COL14A1: variants seen among roughly 807,000 people sequenced by gnomAD.
The protein encoded by COL14A1 is collagen alpha-1(XIV) chain.
COL14A1 carries 136 observed loss-of-function variants against 230.3 expected under a neutral mutation model. That is an observed-to-expected ratio of 0.59 (90% CI 0.51 to 0.68). COL14A1 has a LOEUF of 0.68. Ranked by LOEUF, COL14A1 falls within the 30% of genes least tolerant of loss-of-function variation. COL14A1 has a pLI of 0.00. For synonymous variants in COL14A1, 792 were observed against 784.1 expected (o/e 1.01, Z -0.17); for missense variants, 1,976 against 2,215.8 (o/e 0.89, Z 2.17).
intron 1 of COL14A1, among the ~76,000 whole-genome samples, chr8:120,138,304 G>A (rs1327744528): frequency 6.6e-6 from 1 of 152,084 alleles, no homozygotes; most frequent in Non-Finnish European, 1.5e-5. Context: ...ACATATTTAT[G>A]ATTAATTTTT....
At chr8:120,179,066 G>A (rs897135423) in intron 5 of COL14A1, among the ~76,000 whole-genome samples, 2 of 152,080 alleles carry the variant, frequency 1.3e-5, no homozygotes, top group Non-Finnish European at 2.9e-5. Flanking sequence ...CTGTGGAGAA[G>A]CTCTTTAGTT....
chr8:120,219,924 T>G (rs1817876338), intron 14 of COL14A1, among the ~76,000 whole-genome samples: 1 of 152,078 alleles, frequency 6.6e-6, no homozygotes, highest in African/African-American at 2.4e-5. Context: ...TGAGAAAATT[T>G]TGAGTAAAAT....
At chr8:120,144,785 A>G (rs915918960) in intron 1 of COL14A1, among the ~76,000 whole-genome samples, 1 of 152,154 alleles carries the variant, frequency 6.6e-6, no homozygotes, top group African/African-American at 2.4e-5. Flanking sequence ...TATCTTTTCT[A>G]TATTAAAAAC....
rs868050273 is a variant in COL14A1, at chr8:120,207,024, C to T, written c.1121C>T (p.Thr374Ile). 6.2e-7 allele frequency: 1 copy of T among 1,613,814 alleles called. No homozygotes were observed. Among genetic ancestry groups the T allele is most frequent in the African/African-American group, 1.3e-5 (1 of 74,992 alleles). The change falls in exon 10 of 48, where the codon ACT (threonine) becomes ATT (isoleucine). Residue 374 changes from threonine (T) to isoleucine (I), a missense_variant. Thr to Ile is a moderately conservative substitution (Grantham distance 89). Around this residue, in one of 3 missense-constraint regions of COL14A1, gnomAD observed 1,791 missense variants for 2,019.5 expected, o/e 0.89. Coordinates refer to ENST00000297848, the MANE Select transcript of COL14A1 (RefSeq NM_021110.4). ...GCCAGAAGCTTTATGGTTAACTGGA[C>T]TCATGCCCCAGGAAATGTGGAAAAA... is the stretch of plus-strand genomic sequence containing the variant. ...VTARSFMVNWTHAPGNVEKYR... is the reference protein window; with the variant it reads ...VTARSFMVNWIHAPGNVEKYR...
At chr8:120,337,809 T>C (rs1489072549) in intron 42 of COL14A1, among the ~76,000 whole-genome samples, 12 of 152,222 alleles carry the variant, frequency 7.9e-5, no homozygotes, top group Non-Finnish European at 1.8e-4. Flanking sequence ...TTTTATTTTG[T>C]TTTTGTTTTA....
At chr8:120,233,234 G>A (rs539596756) in intron 19 of COL14A1, among the ~76,000 whole-genome samples, 1 of 152,212 alleles carries the variant, frequency 6.6e-6, no homozygotes, top group East Asian at 1.9e-4. Flanking sequence ...TCACTCTGAT[G>A]ATAGTTTCTT....
At chr8:120,244,993 T>G (rs554385066) in intron 20 of COL14A1, among the ~76,000 whole-genome samples, 2 of 152,140 alleles carry the variant, frequency 1.3e-5, no homozygotes, top group Non-Finnish European at 2.9e-5. Flanking sequence ...ATTTCCCCAT[T>G]CATACCTCCC....
chr8:120,163,305 A>G (rs1048202146), intron 4 of COL14A1, among the ~76,000 whole-genome samples: 2 of 152,210 alleles, frequency 1.3e-5, no homozygotes, highest in African/African-American at 4.8e-5. Context: ...GAGGATAGGC[A>G]TGGGAAAGCT....
intron 2 of COL14A1, among the ~76,000 whole-genome samples, chr8:120,149,984 G>A (rs780408279): frequency 1.7e-4 from 26 of 152,176 alleles, no homozygotes; most frequent in Non-Finnish European, 3.1e-4. Context: ...GTGAACCATC[G>A]TGCCCAGCCA....
rs576898638 is a variant in COL14A1, at chr8:120,274,441, G to A, written c.3214-3670G>A. On this transcript the variant is annotated intron_variant, in intron 26 of 47. Coordinates refer to ENST00000297848, the MANE Select transcript of COL14A1 (RefSeq NM_021110.4). ...CAAGACAAAGATACTCATTTTCACC[G>A]CTTCTATTCAAGATAGTACTGGAAG... 1.3e-4 allele frequency among the ~76,000 whole-genome samples: 19 copies of A among 151,716 alleles called. No individual in the cohort carries two copies. In the South Asian group the frequency reaches 3.3e-3, roughly 27 times the overall value.
At chr8:120,151,943 G>A (rs983389053) in intron 2 of COL14A1, among the ~76,000 whole-genome samples, 23 of 152,016 alleles carry the variant, frequency 1.5e-4, no homozygotes, top group African/African-American at 4.6e-4. Flanking sequence ...GATGGAAAGA[G>A]ACCACAAGTC....
chr8:120,138,630 G>A (rs897445317), intron 1 of COL14A1, among the ~76,000 whole-genome samples: 10 of 152,146 alleles, frequency 6.6e-5, no homozygotes, highest in African/African-American at 2.4e-4. Context: ...TTCCTCCTAT[G>A]TCATGATGCT....
At chr8:120,160,211 G>A (rs1815618271) in intron 3 of COL14A1, among the ~76,000 whole-genome samples, 1 of 151,936 alleles carries the variant, frequency 6.6e-6, no homozygotes, top group Admixed American at 6.6e-5. Flanking sequence ...TTAAAAATAA[G>A]CTATCATGGG....
chr8:120,126,050 C>T (rs1586699285), intron 1 of COL14A1, among the ~76,000 whole-genome samples: 1 of 152,180 alleles, frequency 6.6e-6, no homozygotes, highest in African/African-American at 2.4e-5. Flanking sequence ...AGAGGCACCG[C>T]CAGGTTGTAA....
intron 6 of COL14A1, 133 bp downstream of exon 6, chr8:120,197,079 A>C (rs986827745): frequency 8.1e-6 from 6 of 736,554 alleles, no homozygotes; most frequent in Non-Finnish European, 1.3e-5. Flanking sequence ...CCTAAAGTAC[A>C]TGTTTGGATC....
chr8:120,344,801 A>G (rs899944243), intron 44 of COL14A1, among the ~76,000 whole-genome samples: 1 of 152,210 alleles, frequency 6.6e-6, no homozygotes, highest in Admixed American at 6.5e-5. Context: ...ATCTGTATAT[A>G]TATTTTCCAT....
chr8:120,124,596 G>A (rs1287946032), upstream of COL14A1, among the ~76,000 whole-genome samples: 2 of 152,184 alleles, frequency 1.3e-5, no homozygotes, highest in Non-Finnish European at 2.9e-5. Flanking sequence ...GAGCATCGCT[G>A]CTTTGGCGTT....
chr8:120,212,471 A>G lies in COL14A1; in HGVS notation c.1491A>G (p.Thr497=), dbSNP rs1315196018. Residue 497 remains threonine (T), a synonymous_variant, in exon 13 of 48, where the codon ACA becomes ACG. Transcript: ENST00000297848. ...AGATGAAAATTGGAGAGACCCACAC[A>G]GATATTGAATTGAGTGGGTTGTTGC... ...EKEMKIGETH[T]DIELSGLLPN... 1 of 1,613,504 alleles carries G rather than the reference A, an allele frequency of 6.2e-7. No homozygotes were observed. Among genetic ancestry groups the G allele is most frequent in the Non-Finnish European group, 8.5e-7 (1 of 1,179,562 alleles).
At chr8:120,192,714 G>T (rs1816870719) in intron 5 of COL14A1, among the ~76,000 whole-genome samples, 1 of 152,162 alleles carries the variant, frequency 6.6e-6, no homozygotes, top group African/African-American at 2.4e-5. Context: ...TTTTCACGTA[G>T]TCCCATATTT....
Sources: allele counts gnomAD v4.1 joint callset (sites outside exome capture counted in the v4.1 genomes callset), GRCh38; gene constraint gnomAD v4.1.1; regional missense constraint gnomAD v4.1.1; transcripts MANE v1.5; gene names NCBI Gene and HGNC (gene_info 2026-07-23, HGNC 2026-07-21).